The following DLEC1 variants were observed in gnomAD, a reference collection of about 807,000 sequenced individuals.
The protein encoded by DLEC1 is deleted in lung and esophageal cancer protein 1.
A neutral mutation model predicts 198.1 loss-of-function variants in DLEC1; 146 were observed. The ratio of observed to expected loss-of-function variants is 0.74; its 90% CI spans 0.64 to 0.85. The LOEUF (loss-of-function observed/expected upper bound fraction) is 0.85, where lower values mean the gene tolerates loss of function less well. Among genes scored for constraint, DLEC1 ranks in the 40% least tolerant of loss-of-function variants. The pLI, the probability that DLEC1 is intolerant of heterozygous loss-of-function variation, is 0.00. For missense variants in DLEC1, 2,233 were observed against 2,220.0 expected (o/e 1.01, Z -0.12); for synonymous variants, 897 against 866.8 (o/e 1.03, Z -0.61).
intron 6 of DLEC1, among the ~76,000 whole-genome samples, chr3:38,076,408 G>A (rs1697621773): frequency 6.6e-6 from 1 of 152,152 alleles, no homozygotes; most frequent in South Asian, 2.1e-4. Context: ...GGGAGATGGG[G>A]TGGGGCTGTT....
intron 30 of DLEC1, 44 bp downstream of exon 30, chr3:38,117,144 C>T: frequency 6.2e-7 from 1 of 1,614,096 alleles, no homozygotes; most frequent in Non-Finnish European, 8.5e-7. Flanking sequence ...CCACTGCTCC[C>T]TCCTGGGTAG....
rs144095583 is a variant in DLEC1 at position 38,077,541 on chromosome 3, C to T, written c.1174-6617C>T. Among the ~76,000 whole-genome samples the T allele has an allele frequency of 9.3e-3, 1,409 of 152,144 alleles. 9 individuals carry two copies. The highest frequency in any genetic ancestry group is 0.015 in the Non-Finnish European group (1,044 of 68,014). ...TCTACTTTTCTTGAAGACAGAGGAC[C>T]GTAAGGGATATAAAGGTTTCCTGAA... On this transcript the variant is annotated intron_variant, in intron 6 of 36. Transcript: ENST00000308059.
chr3:38,054,661 C>CACTG (rs1458289721), intron 2 of DLEC1, among the ~76,000 whole-genome samples: 1 of 152,230 alleles, frequency 6.6e-6, no homozygotes, highest in Non-Finnish European at 1.5e-5. Flanking sequence ...AGACCACTTG[C>CACTG]TGTAAGCACA....
At position 38,122,536 on chromosome 3, in the gene DLEC1, G is replaced by C. The variant is rs1431484977; in HGVS notation, c.*124G>C. On this transcript the variant is annotated 3_prime_UTR_variant, in exon 37 of 37. Transcript: ENST00000308059. ...CCTGGGGACCTCTGGGCAGCTCCTG[G>C]AATGGAAGAACCCCCTTCCACAATG... 1 of 1,611,012 alleles carries C rather than the reference G, an allele frequency of 6.2e-7. No individual in the cohort carries two copies. The highest frequency in any genetic ancestry group is 8.5e-7 in the Non-Finnish European group (1 of 1,179,344).
Position 38,086,325 on chromosome 3 carries a change from T to C in DLEC1, c.1520T>C (p.Val507Ala), listed in dbSNP as rs754039534. Residue 507 changes from valine to alanine, a missense_variant, in exon 9 of 37, where the codon GTT becomes GCT. Val to Ala is a moderately conservative substitution (Grantham distance 64, BLOSUM62 0). Transcript: ENST00000308059. Reference protein sequence around the residue: ...RFICKNVGFSVGRFCIMPKTS... With the variant: ...RFICKNVGFSAGRFCIMPKTS... ...ATCTGCAAAAATGTGGGTTTCAGTG[T>C]TGGCAGGTTCTGCATTATGCCCAAA... 1 of 1,613,404 alleles carries C rather than the reference T, an allele frequency of 6.2e-7. No individual in the cohort carries two copies. Among genetic ancestry groups the C allele is most frequent in the African/African-American group, 1.3e-5 (1 of 75,026 alleles).
intron 6 of DLEC1, among the ~76,000 whole-genome samples, chr3:38,082,839 C>T (rs1367192106): frequency 4.6e-5 from 7 of 152,298 alleles, no homozygotes; most frequent in East Asian, 3.9e-4. Context: ...GGCCTCCCTG[C>T]GTGGTCTGAC....
chr3:38,063,773 C>A (rs2125616744), intron 5 of DLEC1, 68 bp from the exon 6 acceptor site: 3 of 1,123,660 alleles, frequency 2.7e-6, no homozygotes, highest in South Asian at 1.3e-5. Flanking sequence ...ATTAATCAGT[C>A]ACTGCCTACT....
At chr3:38,091,836 T>C (rs1302680480) in intron 10 of DLEC1, among the ~76,000 whole-genome samples, 1 of 152,052 alleles carries the variant, frequency 6.6e-6, no homozygotes, top group East Asian at 1.9e-4. Flanking sequence ...ATGGCTATTA[T>C]CAGAAAGATG....
At chr3:38,093,853 C>G in intron 12 of DLEC1, 86 bp downstream of exon 12, 1 of 1,534,102 alleles carries the variant, frequency 6.5e-7, no homozygotes, top group Non-Finnish European at 8.9e-7. Context: ...GAGGTCCTTC[C>G]AAGGGCCTGG....
At position 38,117,917 on chromosome 3, in the gene DLEC1, G is replaced by T. The variant is rs1428409958; in HGVS notation, c.4597G>T (p.Ala1533Ser). The T allele has an allele frequency of 1.9e-6, 3 of 1,614,120 alleles. No homozygotes were observed. The highest frequency in any genetic ancestry group is 1.3e-5 in the African/African-American group (1 of 75,018). Residue 1533 changes from alanine (A) to serine (S), a missense_variant, in exon 33 of 37, where the codon GCG becomes TCG. Coordinates refer to ENST00000308059, the MANE Select transcript of DLEC1 (RefSeq NM_007335.4). ...GCCCTTCTCCGTTTCTCAAGATGGG[G>T]CGAGCCAGGACCACAGAGCTCCTGG... ...SRPFSVSQDG[A>S]SQDHRAPGPG...
Position 38,110,197 on chromosome 3 carries a change from A to G in DLEC1, c.3359A>G (p.Asn1120Ser). Residue 1120 changes from asparagine to serine, a missense_variant, in exon 23 of 37, where the codon AAT becomes AGT. Transcript: ENST00000308059. ...TRVTRQLILT[N>S]RSPIRTRFSL... ...GTGACTCGCCAGCTCATTCTCACCA[A>G]TCGCTCCCCAATACGGACCCGTTTC... The G allele has an allele frequency of 6.2e-7, 1 of 1,614,136 alleles. No homozygotes were observed. Among genetic ancestry groups the G allele is most frequent in the Non-Finnish European group, 8.5e-7 (1 of 1,180,004 alleles).
chr3:38,091,165 C>G (rs764253599), intron 10 of DLEC1, among the ~76,000 whole-genome samples: 1 of 152,060 alleles, frequency 6.6e-6, no homozygotes, highest in Non-Finnish European at 1.5e-5. Flanking sequence ...CATATGATCT[C>G]AAAAGCACTG....
chr3:38,093,798 C>T (rs1698869604), intron 12 of DLEC1, 31 bp downstream of exon 12: 1 of 1,609,180 alleles, frequency 6.2e-7, no homozygotes, highest in South Asian at 1.1e-5. Context: ...CCCCAATACC[C>T]AACCCTTCTT....
At chr3:38,050,939 TC>T (rs778843373) in intron 2 of DLEC1, among the ~76,000 whole-genome samples, 1 of 121,618 alleles carries the variant, frequency 8.2e-6, no homozygotes. Context: ...TCTCTCTCTC[TC>T]TTTTTTTTTT....
intron 23 of DLEC1, among the ~76,000 whole-genome samples, chr3:38,111,266 G>T (rs1386159439): frequency 1.3e-5 from 2 of 152,198 alleles, no homozygotes; most frequent in African/African-American, 4.8e-5. Flanking sequence ...AAGCTAGTGT[G>T]TACCCAATGC....
intron 2 of DLEC1, among the ~76,000 whole-genome samples, chr3:38,056,115 AC>A (rs1476032561): frequency 0.015 from 1,902 of 126,244 alleles, 21 homozygotes; most frequent in Middle Eastern, 0.02. Flanking sequence ...ACACACACAC[AC>A]AAATAGCTGA....
chr3:38,107,451 CTCAT>C (rs1252993702), intron 19 of DLEC1, 129 bp from the exon 20 acceptor site: 1 of 930,994 alleles, frequency 1.1e-6, no homozygotes, highest in African/African-American at 1.7e-5. Flanking sequence ...GCCGAACCCA[CTCAT>C]TAATTCTAGA....
chr3:38,040,849 T>A (rs1198652317), intron 1 of DLEC1, among the ~76,000 whole-genome samples: 2 of 133,718 alleles, frequency 1.5e-5, no homozygotes, highest in African/African-American at 2.7e-5. Context: ...ATATTACAAA[T>A]TTTTTTTTTT....
At chr3:38,101,499 C>A (rs1699304516) in intron 19 of DLEC1, among the ~76,000 whole-genome samples, 1 of 151,954 alleles carries the variant, frequency 6.6e-6, no homozygotes, top group Non-Finnish European at 1.5e-5. Context: ...TTTTATTATT[C>A]GTTAAACTAT....
Sources: gnomAD v4.1 joint callset for allele counts (sites outside exome capture counted in the v4.1 genomes callset) on GRCh38, gnomAD v4.1.1 for gene constraint, MANE v1.5 for transcripts, NCBI Gene and HGNC (gene_info 2026-07-23, HGNC 2026-07-21) for gene names.